Variants in KIF26B observed in about 807,000 individuals in gnomAD.
KIF26B encodes the protein kinesin-like protein KIF26B.
A neutral mutation model predicts 151.2 loss-of-function variants in KIF26B; 63 were observed. That is an observed-to-expected ratio of 0.42 (90% CI 0.34 to 0.51). KIF26B has a LOEUF of 0.51. Ranked by LOEUF, KIF26B falls within the 20% of genes least tolerant of loss-of-function variation. KIF26B has a pLI of 0.07. For synonymous variants in KIF26B, 1,357 were observed against 1,262.1 expected (o/e 1.08, Z -1.59); for missense variants, 2,813 against 2,913.6 (o/e 0.97, Z 0.79).
intron 4 of KIF26B, chr1:245,511,154 C>G (rs1558193696): frequency 1.4e-6 from 1 of 715,540 alleles, no homozygotes; most frequent in Admixed American, 2.0e-5. Context: ...ATATATGTTG[C>G]TGGAGTTAGG....
At chr1:245,271,184 G>A (rs1309236523) in intron 2 of KIF26B, among the ~76,000 whole-genome samples, 1 of 152,178 alleles carries the variant, frequency 6.6e-6, no homozygotes, top group African/African-American at 2.4e-5. Flanking sequence ...ATCAGAAAGT[G>A]TGAAAATTCT....
intron 2 of KIF26B, among the ~76,000 whole-genome samples, chr1:245,200,881 C>T (rs1198704506): frequency 3.9e-5 from 6 of 152,178 alleles, no homozygotes; most frequent in Admixed American, 2.6e-4. Flanking sequence ...GACCACAGTA[C>T]AGGACGTTTT....
chr1:245,448,495 C>T (rs755643350), intron 4 of KIF26B, among the ~76,000 whole-genome samples: 16 of 152,172 alleles, frequency 1.1e-4, no homozygotes, highest in Non-Finnish European at 1.8e-4. Flanking sequence ...CAGGCATGAG[C>T]GACCATGCCC....
At chr1:245,260,659 A>G (rs1297757204) in intron 2 of KIF26B, among the ~76,000 whole-genome samples, 1 of 152,138 alleles carries the variant, frequency 6.6e-6, no homozygotes, top group African/African-American at 2.4e-5. Flanking sequence ...AGGAAGAGGG[A>G]AGTACTTCTC....
intron 2 of KIF26B, among the ~76,000 whole-genome samples, chr1:245,357,497 C>G (rs200199785): frequency 1.3e-5 from 2 of 152,220 alleles, no homozygotes; most frequent in South Asian, 4.1e-4. Context: ...GATGAATGAA[C>G]AAGACTTTGG....
chr1:245,462,072 A>G (rs1034788019), intron 4 of KIF26B, among the ~76,000 whole-genome samples: 4 of 152,144 alleles, frequency 2.6e-5, no homozygotes, highest in African/African-American at 9.7e-5. Context: ...CAAGTGAGCT[A>G]TGATTGTACC....
At chr1:245,369,168 T>TGAGAGAGAGGGAGAGAGA (rs1396163965) in intron 3 of KIF26B, among the ~76,000 whole-genome samples, 4 of 135,860 alleles carry the variant, frequency 2.9e-5, no homozygotes, top group African/African-American at 1.0e-4. Flanking sequence ...AAAAGAAGAG[T>TGAGAGAGAGGGAGAGAGA]GAGAGAGAGA....
Position 245,256,102 on chromosome 1 carries a change from C to T in KIF26B, c.465+99419C>T, listed in dbSNP as rs903432211. ...CTACCTGCCTTGTGCTGGAAAGGGC[C>T]GGGATTTGGGTATGCCCTTCTCAGC... On this transcript the variant is annotated intron_variant, in intron 2 of 14. Transcript: ENST00000407071. Among the ~76,000 whole-genome samples the T allele has an allele frequency of 7.2e-5, 11 of 152,076 alleles. 1 individual carries two copies. The highest frequency in any genetic ancestry group is 2.6e-4 in the Admixed American group (4 of 15,262).
At chr1:245,391,672 AAGAG>A (rs1399585473) in intron 3 of KIF26B, among the ~76,000 whole-genome samples, 3 of 147,598 alleles carry the variant, frequency 2.0e-5, no homozygotes, top group African/African-American at 4.9e-5. Flanking sequence ...AAAAAAAAAA[AAGAG>A]AGAGATTTGT....
At chr1:245,296,089 G>C (rs76606347) in intron 2 of KIF26B, among the ~76,000 whole-genome samples, 9,663 of 152,108 alleles carry the variant, frequency 0.064, 377 homozygotes, top group Middle Eastern at 0.12. Flanking sequence ...AATGCTTAGA[G>C]TTTATTGAAT....
intron 5 of KIF26B, among the ~76,000 whole-genome samples, chr1:245,557,367 C>T (rs902573680): frequency 5.9e-5 from 9 of 152,194 alleles, no homozygotes; most frequent in East Asian, 1.9e-4. Context: ...CCTCCTCTGC[C>T]GTCGTCGCAG....
chr1:245,288,301 C>A (rs1026535859), intron 2 of KIF26B, among the ~76,000 whole-genome samples: 3 of 152,068 alleles, frequency 2.0e-5, no homozygotes, highest in Non-Finnish European at 4.4e-5. Flanking sequence ...ATGATTAACC[C>A]CTTAGGACAG....
chr1:245,336,002 G>T (rs1444962760), intron 2 of KIF26B, among the ~76,000 whole-genome samples: 1 of 120,428 alleles, frequency 8.3e-6, no homozygotes, highest in Non-Finnish European at 1.6e-5. Flanking sequence ...GCAGGGAAAG[G>T]AGAGTCCCAC....
Position 245,451,585 on chromosome 1 carries a change from CTTTT to C in KIF26B, c.1166+31865_1166+31868del, listed in dbSNP as rs58192966. Among the ~76,000 whole-genome samples, 66 of 58,740 alleles carry C rather than the reference CTTTT, an allele frequency of 1.1e-3. 1 individual carries two copies. The highest frequency in any genetic ancestry group is 3.9e-3 in the African/African-American group (55 of 14,078). The allele number at this position is 58,740 out of a possible 152,430, so 38.5% of individuals were successfully genotyped here. The stretch of plus-strand genomic sequence containing the variant: ...TATAATATGTATCCAGAAGATCTAT[CTTTT>C]TTTTTTTTTTTTTTTTTTTTTTTTG... On this transcript the variant is annotated intron_variant, in intron 4 of 14. Transcript: ENST00000407071.
chr1:245,367,230 G>T lies in KIF26B; in HGVS notation c.862G>T (p.Ala288Ser). The T allele has an allele frequency of 6.2e-7, 1 of 1,609,084 alleles. No individual in the cohort carries two copies. Among genetic ancestry groups the T allele is most frequent in the Non-Finnish European group, 8.5e-7 (1 of 1,177,814 alleles). Residue 288 changes from alanine to serine, a missense_variant, in exon 3 of 15, where the codon GCC becomes TCC. Around this residue, in one of 3 missense-constraint regions of KIF26B, gnomAD observed 676 missense variants for 688.1 expected, o/e 0.98. Coordinates refer to ENST00000407071, the MANE Select transcript of KIF26B (RefSeq NM_018012.4). This position sits in a 1 kb window ranked among gnomAD's most constrained non-coding sequence, Gnocchi z 4.2. Reference protein sequence around the residue: ...EKKSGSPTHQAKVSLQMATSP... With the variant: ...EKKSGSPTHQSKVSLQMATSP... ...GAAGAGCGGGTCCCCAACCCACCAG[G>T]CCAAGGTCAGCCTCCAGATGGCCAC... is the stretch of plus-strand genomic sequence containing the variant.
intron 2 of KIF26B, among the ~76,000 whole-genome samples, chr1:245,187,432 C>G (rs905429232): frequency 6.6e-6 from 1 of 152,188 alleles, no homozygotes; most frequent in African/African-American, 2.4e-5. Flanking sequence ...GCATTCAAAG[C>G]TCAGACTTCA....
intron 3 of KIF26B, among the ~76,000 whole-genome samples, chr1:245,391,429 A>G (rs994257499): frequency 4.6e-5 from 7 of 152,174 alleles, no homozygotes; most frequent in African/African-American, 1.7e-4. Context: ...GGTTTTCTTT[A>G]GATATCTCAA....
intron 2 of KIF26B, among the ~76,000 whole-genome samples, chr1:245,287,126 T>TA (rs1671176423): frequency 1.3e-5 from 2 of 152,144 alleles, no homozygotes; most frequent in Non-Finnish European, 2.9e-5. Context: ...ACAAAATTTT[T>TA]TAAAAAATTT....
intron 4 of KIF26B, among the ~76,000 whole-genome samples, chr1:245,534,265 C>T (rs1194575607): frequency 6.6e-6 from 1 of 151,942 alleles, no homozygotes. Flanking sequence ...CAGGTTCAAG[C>T]AATTCTCCTG....
Sources: gnomAD v4.1 joint callset for allele counts (sites outside exome capture counted in the v4.1 genomes callset) on GRCh38, gnomAD v4.1.1 for gene constraint, gnomAD v4.1.1 regional missense constraint, Gnocchi (gnomAD v3.1) non-coding constraint, MANE v1.5 for transcripts, NCBI Gene and HGNC (gene_info 2026-07-23, HGNC 2026-07-21) for gene names.